The following SLCO1A2 variants were observed in gnomAD, a reference collection of about 807,000 sequenced individuals.
SLCO1A2 encodes the protein OATP-1.
SLCO1A2 carries 67 observed loss-of-function variants against 69.0 expected under a neutral mutation model. That is an observed-to-expected ratio of 0.97 (90% CI 0.80 to 1.19). SLCO1A2 has a LOEUF of 1.19. Among genes scored for constraint, SLCO1A2 ranks in the 50% most tolerant of loss-of-function variants. SLCO1A2 has a pLI of 0.00. For missense variants in SLCO1A2, 787 were observed against 793.7 expected, an observed-to-expected ratio of 0.99 and a Z score of 0.10; for synonymous variants, 260 against 265.9, an observed-to-expected ratio of 0.98 and a Z score of 0.22.
chr12:21,373,432 G>T, intron 2 of SLCO1A2: 1 of 1,606,442 alleles, frequency 6.2e-7, no homozygotes, highest in Non-Finnish European at 8.5e-7. Context: ...CCATTGAAAG[G>T]TTGGTAACTT....
chr12:21,373,388 C>T lies in SLCO1A2; in HGVS notation c.-63+1011G>A, dbSNP rs373616376. ...GAAGCTGCAAGTATTTCTCATTGTG[C>T]TCTCTGTTGCATTGAACCATCTGAA... is the stretch of plus-strand genomic sequence containing the variant. On this transcript the variant is annotated intron_variant, in intron 2 of 15. Transcript: ENST00000307378. The T allele has an allele frequency of 1.1e-4, 177 of 1,613,380 alleles. No homozygotes were observed. Among genetic ancestry groups the T allele is most frequent in the Non-Finnish European group, 1.4e-4 (171 of 1,179,574 alleles).
chr12:21,377,836 T>C (rs1257013699), intron 1 of SLCO1A2, among the ~76,000 whole-genome samples: 1 of 152,186 alleles, frequency 6.6e-6, no homozygotes, highest in Non-Finnish European at 1.5e-5. Flanking sequence ...GATGTAGAAA[T>C]AATTATTTTT....
intron 2 of SLCO1A2, among the ~76,000 whole-genome samples, chr12:21,362,377 C>T (rs1282795938): frequency 6.6e-6 from 1 of 152,282 alleles, no homozygotes; most frequent in Admixed American, 6.5e-5. Context: ...CCATGCCTGA[C>T]TTACAAGAGC....
intron 2 of SLCO1A2, among the ~76,000 whole-genome samples, chr12:21,325,111 T>C (rs1470915764): frequency 6.6e-6 from 1 of 152,140 alleles, no homozygotes; most frequent in Non-Finnish European, 1.5e-5. Context: ...CACAAATGGA[T>C]ATGAAGTGGA....
At chr12:21,392,154 G>C (rs1224772991) in intron 1 of SLCO1A2, among the ~76,000 whole-genome samples, 1 of 152,008 alleles carries the variant, frequency 6.6e-6, no homozygotes, top group African/African-American at 2.4e-5. Flanking sequence ...TCTTTGGTGG[G>C]GTAAATGCAT....
intron 2 of SLCO1A2, 80 bp from the exon 3 acceptor site, chr12:21,319,003 A>G: frequency 9.7e-7 from 1 of 1,035,926 alleles, no homozygotes; most frequent in Admixed American, 2.8e-5. Context: ...AATGCCTTCC[A>G]CCATAAGACT....
At chr12:21,378,365 A>G in intron 1 of SLCO1A2, 11 of 1,614,184 alleles carry the variant, frequency 6.8e-6, no homozygotes, top group Non-Finnish European at 9.3e-6. Flanking sequence ...TCCAATACAT[A>G]TGGCAAGAGG....
At chr12:21,378,737 G>C (rs1448166646) in intron 1 of SLCO1A2, 2 of 254,104 alleles carry the variant, frequency 7.9e-6, no homozygotes, top group African/African-American at 2.2e-5. Flanking sequence ...TTTGAACCTT[G>C]GTAAATTGTA....
At chr12:21,312,014 AG>A (rs1472744424) in intron 4 of SLCO1A2, among the ~76,000 whole-genome samples, 1 of 149,694 alleles carries the variant, frequency 6.7e-6, no homozygotes. Context: ...GAAGAAGAGG[AG>A]GAGGGAGGAG....
intron 2 of SLCO1A2, among the ~76,000 whole-genome samples, chr12:21,363,719 C>T (rs1157224122): frequency 6.6e-6 from 1 of 152,118 alleles, no homozygotes; most frequent in Non-Finnish European, 1.5e-5. Context: ...GGGGATATCA[C>T]CATCGATCCT....
chr12:21,280,953 T>C (rs549559611), intron 12 of SLCO1A2, among the ~76,000 whole-genome samples: 5 of 152,182 alleles, frequency 3.3e-5, no homozygotes, highest in Non-Finnish European at 7.4e-5. Flanking sequence ...TTGAAAACTA[T>C]ACAAACACGT....
chr12:21,295,254 A>G lies in SLCO1A2; in HGVS notation c.1271+343T>C, dbSNP rs570529240. On this transcript the variant is annotated intron_variant, in intron 10 of 14. Coordinates refer to ENST00000683939, the MANE Select transcript of SLCO1A2 (RefSeq NM_001386879.1). ...CTTAGTTTTACTCAGTTATGGGAGT[A>G]TAAGATATATGGATAACATATTTTA... The G allele has an allele frequency of 1.9e-4, 34 of 182,012 alleles. 1 individual carries two copies. The East Asian group carries it at 5.3e-3, about 28-fold the overall frequency. The allele number at this position is 182,012 out of a possible 1,614,324, so 11.3% of individuals were successfully genotyped here.
chr12:21,325,743 C>G (rs1461419620), intron 2 of SLCO1A2, among the ~76,000 whole-genome samples: 1 of 152,132 alleles, frequency 6.6e-6, no homozygotes, highest in Non-Finnish European at 1.5e-5. Context: ...TATTTCATTT[C>G]TTATAAAACG....
rs958542632 is a variant in SLCO1A2 at position 21,293,812 on chromosome 12, A to G, written c.1437+133T>C. 1.1e-5 allele frequency: 7 copies of G among 649,438 alleles called. No individual in the cohort carries two copies. The African/African-American group carries it at 1.3e-4, about 12-fold the overall frequency. 40.2% of individuals were successfully genotyped at this position (649,438 alleles called of 1,614,324 possible). On this transcript the variant is annotated intron_variant, in intron 11 of 14. Coordinates refer to ENST00000683939, the MANE Select transcript of SLCO1A2 (RefSeq NM_001386879.1). Reference sequence around the variant, plus strand: ...GTAATCAAGTGACCATCATAGAGTTATTTTTCCACATACAAAAAAAGTAAT... The same window carrying G: ...GTAATCAAGTGACCATCATAGAGTTGTTTTTCCACATACAAAAAAAGTAAT...
intron 1 of SLCO1A2, among the ~76,000 whole-genome samples, chr12:21,381,495 T>C (rs776832241): frequency 1.3e-5 from 2 of 152,044 alleles, no homozygotes; most frequent in African/African-American, 4.8e-5. Context: ...AGAATGTCCA[T>C]TATTAAAAAG....
In SLCO1A2 at chr12:21,283,412, A is replaced by T. The variant is rs939913376; in HGVS notation, c.1611-7988T>A. Among the ~76,000 whole-genome samples the T allele has an allele frequency of 2.6e-5, 4 of 152,184 alleles. No individual in the cohort carries two copies. In the East Asian group the frequency reaches 7.7e-4, roughly 29 times the overall value. On this transcript the variant is annotated intron_variant, in intron 12 of 14. Coordinates refer to ENST00000683939, the MANE Select transcript of SLCO1A2 (RefSeq NM_001386879.1). ...ACCCATATTTCTTGCCATATTCAAA[A>T]ATCAATCAAAATCGATGAAAGACTT...
At chr12:21,416,703 A>C (rs1309316673) in intron 1 of SLCO1A2, among the ~76,000 whole-genome samples, 1 of 152,086 alleles carries the variant, frequency 6.6e-6, no homozygotes, top group African/African-American at 2.4e-5. Context: ...TGATTAACAC[A>C]GGAGTTTTGA....
chr12:21,337,239 C>A (rs558463174), upstream of SLCO1A2, among the ~76,000 whole-genome samples: 43 of 152,106 alleles, frequency 2.8e-4, no homozygotes, highest in African/African-American at 1.0e-3. Flanking sequence ...GCTTTTGACA[C>A]CTGTTGGCTT....
intron 1 of SLCO1A2, chr12:21,403,404 A>G (rs1247791698): frequency 2.0e-5 from 3 of 152,140 alleles, no homozygotes; most frequent in Admixed American, 1.3e-4. Flanking sequence ...ACCCAAATAA[A>G]TGAAGGACTT....
Sources: allele counts gnomAD v4.1 joint callset (sites outside exome capture counted in the v4.1 genomes callset), GRCh38; gene constraint gnomAD v4.1.1; transcripts MANE v1.5; gene names NCBI Gene and HGNC (gene_info 2026-07-23, HGNC 2026-07-21).